Variants in CLSTN2 observed in about 807,000 individuals in gnomAD.
CLSTN2 encodes calsyntenin 2.
A neutral mutation model predicts 101.2 loss-of-function variants in CLSTN2; 48 were observed. The observed-to-expected ratio is 0.47, with a 90% CI of 0.38 to 0.60. The LOEUF (loss-of-function observed/expected upper bound fraction) is 0.60, where lower values mean the gene tolerates loss of function less well. CLSTN2 is among the 20% of genes least tolerant of loss of function. The probability of loss-of-function intolerance (pLI) is 0.00; values close to 1 mark genes in which losing one functional copy is unlikely to be tolerated. For missense variants in CLSTN2, 1,160 were observed against 1,238.2 expected (o/e 0.94, Z 0.95); for synonymous variants, 481 against 463.6 (o/e 1.04, Z -0.48).
chr3:140,112,090 G>A (rs746345569), intron 1 of CLSTN2, among the ~76,000 whole-genome samples: 3 of 152,202 alleles, frequency 2.0e-5, no homozygotes, highest in Non-Finnish European at 4.4e-5. Flanking sequence ...GAAAGAATTG[G>A]AAGGAATTCT....
intron 2 of CLSTN2, among the ~76,000 whole-genome samples, chr3:140,380,945 G>A (rs2087975882): frequency 6.6e-6 from 1 of 152,226 alleles, no homozygotes; most frequent in Non-Finnish European, 1.5e-5. Context: ...TGGGTTTGGA[G>A]TCTGTGTTCG....
At chr3:140,495,468 T>C (rs1457604035) in intron 8 of CLSTN2, among the ~76,000 whole-genome samples, 6 of 152,220 alleles carry the variant, frequency 3.9e-5, no homozygotes, top group African/African-American at 9.6e-5. Flanking sequence ...TTAGTTTAAT[T>C]AGATCCCATT....
chr3:140,489,875 A>T (rs1183062858), intron 8 of CLSTN2, among the ~76,000 whole-genome samples: 3 of 151,296 alleles, frequency 2.0e-5, no homozygotes, highest in Non-Finnish European at 4.4e-5. Context: ...CTGAGTTTTG[A>T]ATCAAGTGTG....
chr3:140,355,713 G>A (rs1014679343), intron 2 of CLSTN2, among the ~76,000 whole-genome samples: 6 of 152,158 alleles, frequency 3.9e-5, no homozygotes, highest in Non-Finnish European at 7.3e-5. Flanking sequence ...ATAGCACCTC[G>A]CATTCCCAGG....
chr3:140,185,065 C>T (rs1038313360), intron 2 of CLSTN2, among the ~76,000 whole-genome samples: 11 of 152,142 alleles, frequency 7.2e-5, no homozygotes, highest in Admixed American at 2.6e-4. Context: ...TTAAAGGGGG[C>T]TTCCCTGTTT....
chr3:140,316,335 C>A (rs1250229607), intron 2 of CLSTN2, among the ~76,000 whole-genome samples: 1 of 152,184 alleles, frequency 6.6e-6, no homozygotes, highest in East Asian at 1.9e-4. Flanking sequence ...ACAATGACAG[C>A]TGTTTGAGCT....
rs188220578 is a variant in CLSTN2 at position 140,398,820 on chromosome 3, G to C, written c.233-4809G>C. Among the ~76,000 whole-genome samples, 3 of 152,316 alleles carry C rather than the reference G, an allele frequency of 2.0e-5. No homozygotes were observed. In the East Asian group the frequency reaches 5.8e-4, roughly 29 times the overall value. On this transcript the variant is annotated intron_variant, in intron 2 of 16. Coordinates refer to ENST00000458420, the MANE Select transcript of CLSTN2 (RefSeq NM_022131.3). ...AATGTGCTCTAAAAATCAAGTTAAA[G>C]ACCTTTCCCCCAGAATCCTATGTGA...
At chr3:140,049,731 C>G (rs1021247994) in intron 1 of CLSTN2, among the ~76,000 whole-genome samples, 1 of 152,202 alleles carries the variant, frequency 6.6e-6, no homozygotes. Context: ...GAAGGAGAGG[C>G]GAGCTCTGCC....
chr3:140,016,759 A>G (rs1337119594), intron 1 of CLSTN2, among the ~76,000 whole-genome samples: 2 of 140,272 alleles, frequency 1.4e-5, no homozygotes, highest in African/African-American at 2.6e-5. Flanking sequence ...AGATCATACT[A>G]CTGCACTCCA....
chr3:140,031,053 A>G (rs1443048338), intron 1 of CLSTN2, among the ~76,000 whole-genome samples: 2 of 152,230 alleles, frequency 1.3e-5, no homozygotes, highest in African/African-American at 2.4e-5. Context: ...TGACAAAGCC[A>G]TGGCCAAAGG....
In CLSTN2 at chr3:140,543,339, T is replaced by C. The variant is rs1053565824; in HGVS notation, c.1508-3176T>C. On this transcript the variant is annotated intron_variant, in intron 9 of 16. Coordinates refer to ENST00000458420, the MANE Select transcript of CLSTN2 (RefSeq NM_022131.3). ...AGGAGTACTTTATGCATGGGGTCAC[T>C]GAAGATTTAAATCAGAAGACCCCAG... Among the ~76,000 whole-genome samples the C allele has an allele frequency of 5.3e-5, 8 of 152,310 alleles. No individual in the cohort carries two copies. The South Asian group carries it at 1.7e-3, about 32-fold the overall frequency.
chr3:140,028,312 C>T (rs1392691759), intron 1 of CLSTN2, among the ~76,000 whole-genome samples: 7 of 152,184 alleles, frequency 4.6e-5, no homozygotes, highest in Admixed American at 2.6e-4. Context: ...TCAGCCAGGC[C>T]CCAGAACACT....
chr3:140,017,950 T>C (rs1440086829), intron 1 of CLSTN2, among the ~76,000 whole-genome samples: 6 of 152,236 alleles, frequency 3.9e-5, no homozygotes, highest in African/African-American at 1.4e-4. Flanking sequence ...TAAATAACTC[T>C]GACAGTGGAG....
intron 2 of CLSTN2, among the ~76,000 whole-genome samples, chr3:140,395,191 T>C (rs560227033): frequency 1.3e-5 from 2 of 152,294 alleles, no homozygotes; most frequent in African/African-American, 4.8e-5. Context: ...TAAAATAATA[T>C]GTTTTATTTT....
intron 1 of CLSTN2, among the ~76,000 whole-genome samples, chr3:140,147,824 A>G (rs1300104944): frequency 6.6e-6 from 1 of 152,168 alleles, no homozygotes; most frequent in Non-Finnish European, 1.5e-5. Context: ...ATAGTGCATT[A>G]CACACTTTTT....
intron 5 of CLSTN2, among the ~76,000 whole-genome samples, chr3:140,427,189 A>ATATATATGTGTG (rs2088576691): frequency 1.3e-5 from 1 of 79,572 alleles, no homozygotes; most frequent in African/African-American, 9.4e-5. Flanking sequence ...AAAAAAATAT[A>ATATATATGTGTG]TATATATATA....
In CLSTN2 at chr3:139,935,408, C is replaced by T; in HGVS notation, c.34C>T (p.Leu12=). The T allele has an allele frequency of 8.1e-7, 1 of 1,230,898 alleles. No homozygotes were observed. The highest frequency in any genetic ancestry group is 1.0e-6 in the Non-Finnish European group (1 of 987,114). 76.2% of individuals were successfully genotyped at this position (1,230,898 alleles called of 1,614,324 possible). The change falls in exon 1 of 17, where the codon CTG becomes TTG. Residue 12 remains leucine, a synonymous_variant. Transcript: ENST00000458420. This position sits in a 1 kb window ranked among gnomAD's most constrained non-coding sequence, Gnocchi z 5.5. ...TGGGCGGCTGTGCTGGGTGCCGCTC[C>T]TGCTGGCGCTGGGCGTGGGGAGCGG... ...LPGRLCWVPL[L]LALGVGSGSG...
At chr3:140,205,034 G>A (rs1429477879) in intron 2 of CLSTN2, among the ~76,000 whole-genome samples, 3 of 152,182 alleles carry the variant, frequency 2.0e-5, no homozygotes, top group Non-Finnish European at 4.4e-5. Context: ...CAGAGTGGAA[G>A]AGGGAGGCTT....
At chr3:140,175,672 A>G (rs1037777874) in intron 1 of CLSTN2, among the ~76,000 whole-genome samples, 22 of 152,210 alleles carry the variant, frequency 1.4e-4, no homozygotes, top group Admixed American at 8.5e-4. Flanking sequence ...TGGGATTTTG[A>G]CGAGGTGAAG....
Sources: gnomAD v4.1 joint callset for allele counts (sites outside exome capture counted in the v4.1 genomes callset) on GRCh38, gnomAD v4.1.1 for gene constraint, Gnocchi (gnomAD v3.1) non-coding constraint, MANE v1.5 for transcripts, NCBI Gene and HGNC (gene_info 2026-07-23, HGNC 2026-07-21) for gene names.